CAPN5: variants seen among roughly 807,000 people sequenced by gnomAD.
CAPN5 encodes calpain-5.
A neutral mutation model predicts 73.0 loss-of-function variants in CAPN5; 54 were observed. The observed-to-expected ratio is 0.74, with a 90% CI of 0.59 to 0.93. CAPN5 has a LOEUF of 0.93. Ranked by LOEUF, CAPN5 falls within the 40% of genes least tolerant of loss-of-function variation. The pLI, the probability that CAPN5 is intolerant of heterozygous loss-of-function variation, is 0.00. For synonymous variants in CAPN5, 335 were observed against 356.9 expected (o/e 0.94, Z 0.69); for missense variants, 785 against 882.9 (o/e 0.89, Z 1.41).
rs10543158 is a variant in CAPN5 at position 77,125,614 on chromosome 11, CTATATATATATATA to C, written c.*1757_*1770del. 1 of 140,698 alleles carries C rather than the reference CTATATATATATATA, an allele frequency of 7.1e-6. No homozygotes were observed. Among genetic ancestry groups the C allele is most frequent in the Non-Finnish European group, 1.6e-5 (1 of 64,264 alleles). 8.7% of individuals were successfully genotyped at this position (140,698 alleles called of 1,614,324 possible). On this transcript the variant is annotated 3_prime_UTR_variant, in exon 13 of 13. Coordinates refer to ENST00000648180, the MANE Select transcript of CAPN5 (RefSeq NM_004055.5). ...CTATGTATCTCTGTATGCACACGCA[CTATATATATATATA>C]TATATATATATACATTCATGTAATC...
chr11:77,113,118 G>A (rs1176333813), intron 4 of CAPN5, among the ~76,000 whole-genome samples: 1 of 152,222 alleles, frequency 6.6e-6, no homozygotes, highest in African/African-American at 2.4e-5. Context: ...GAAGGTTCAT[G>A]CTGCCATGCC....
At chr11:77,068,415 A>G (rs935778004) in intron 1 of CAPN5, among the ~76,000 whole-genome samples, 9 of 151,936 alleles carry the variant, frequency 5.9e-5, no homozygotes, top group African/African-American at 1.9e-4. Context: ...ACAGGGACTG[A>G]TGGGTGCCCG....
intron 1 of CAPN5, chr11:77,073,199 G>C (rs1407701561): frequency 1.1e-5 from 11 of 979,320 alleles, no homozygotes; most frequent in Admixed American, 7.0e-5. Flanking sequence ...GGTTCTTTCA[G>C]TGTTAAAACT....
intron 1 of CAPN5, among the ~76,000 whole-genome samples, chr11:77,077,307 A>G (rs1407122343): frequency 6.6e-6 from 1 of 152,098 alleles, no homozygotes; most frequent in Non-Finnish European, 1.5e-5. Flanking sequence ...CAGTGAGCCG[A>G]GATCATGCCA....
chr11:77,100,629 C>T (rs1950274653), intron 3 of CAPN5, among the ~76,000 whole-genome samples: 1 of 152,282 alleles, frequency 6.6e-6, no homozygotes, highest in African/African-American at 2.4e-5. Flanking sequence ...CGGACCACAG[C>T]GTCCCCATAC....
chr11:77,074,361 C>T (rs1331390839), intron 1 of CAPN5, among the ~76,000 whole-genome samples: 1 of 151,794 alleles, frequency 6.6e-6, no homozygotes, highest in Non-Finnish European at 1.5e-5. Flanking sequence ...CAGCTTCCCC[C>T]CAGGCTCCGC....
Position 77,081,448 on chromosome 11 carries a change from GC to G in CAPN5, c.-35-3397del, listed in dbSNP as rs1184625834. The stretch of plus-strand genomic sequence containing the variant: ...CCGACAGGAACCCCAAGTTGTGGTA[GC>G]CCCCCCATACCTGGCGGGGGTCTGG... On this transcript the variant is annotated intron_variant, in intron 1 of 12. Coordinates refer to ENST00000648180, the MANE Select transcript of CAPN5 (RefSeq NM_004055.5). Among the ~76,000 whole-genome samples the G allele has an allele frequency of 3.9e-5, 6 of 152,174 alleles. No homozygotes were observed. In the South Asian group the frequency reaches 6.2e-4, roughly 16 times the overall value.
intron 3 of CAPN5, among the ~76,000 whole-genome samples, chr11:77,099,960 C>T (rs1197422446): frequency 1.3e-5 from 2 of 152,100 alleles, no homozygotes; most frequent in African/African-American, 4.8e-5. Context: ...CCTCAGCCTC[C>T]TGAGTAGCTG....
chr11:77,087,121 C>G (rs1170785338), intron 2 of CAPN5, among the ~76,000 whole-genome samples: 1 of 152,222 alleles, frequency 6.6e-6, no homozygotes, highest in Non-Finnish European at 1.5e-5. Context: ...GATGGGGACT[C>G]AGACCAGGCT....
chr11:77,081,436 C>T (rs1950027276), intron 1 of CAPN5, among the ~76,000 whole-genome samples: 1 of 152,204 alleles, frequency 6.6e-6, no homozygotes, highest in Non-Finnish European at 1.5e-5. Flanking sequence ...ACAGGAACCC[C>T]AAGTTGTGGT....
chr11:77,093,250 A>C (rs1287666958), intron 2 of CAPN5, among the ~76,000 whole-genome samples: 2 of 151,786 alleles, frequency 1.3e-5, no homozygotes, highest in Non-Finnish European at 2.9e-5. Flanking sequence ...CCGCACCCCC[A>C]CCCCACTTGA....
rs1029183301 is a variant in CAPN5, at chr11:77,104,626, C to T, written c.298-7963C>T. Among the ~76,000 whole-genome samples the T allele has an allele frequency of 2.6e-5, 4 of 152,212 alleles. No individual in the cohort carries two copies. In the South Asian group the frequency reaches 8.3e-4, roughly 32 times the overall value. ...GCATTGCGCAGTCCCAGAGAGCCCC[C>T]CCTTTTGGGGGAGTGCCTGACCTGC... is the stretch of plus-strand genomic sequence containing the variant. On this transcript the variant is annotated intron_variant, in intron 3 of 12. Coordinates refer to ENST00000648180, the MANE Select transcript of CAPN5 (RefSeq NM_004055.5).
chr11:77,099,708 GGGGAGAGGGAGA>G (rs1478223401), intron 3 of CAPN5, among the ~76,000 whole-genome samples: 1 of 147,758 alleles, frequency 6.8e-6, no homozygotes, highest in South Asian at 2.1e-4. Context: ...GGGAGACCGT[GGGGAGAGGGAGA>G]GGGAGACGGA....
chr11:77,107,030 G>A (rs1282627097), intron 3 of CAPN5, among the ~76,000 whole-genome samples: 1 of 152,204 alleles, frequency 6.6e-6, no homozygotes, highest in Non-Finnish European at 1.5e-5. Context: ...GTCCCTGCCC[G>A]GTCTCAGCCA....
chr11:77,125,155 G>C lies in CAPN5; in HGVS notation c.*1285G>C, dbSNP rs1950561065. 4 of 152,482 alleles carry C rather than the reference G, an allele frequency of 2.6e-5. 1 individual carries two copies. In the South Asian group the frequency reaches 8.3e-4, roughly 32 times the overall value. The allele number at this position is 152,482 out of a possible 1,614,324, so 9.4% of individuals were successfully genotyped here. A position where few individuals can be genotyped will look rare whatever the true frequency, so the allele number is the denominator to read the frequency against. On this transcript the variant is annotated 3_prime_UTR_variant, in exon 13 of 13. Coordinates refer to ENST00000648180, the MANE Select transcript of CAPN5 (RefSeq NM_004055.5). ...CTGCTGTGCCCTTCTCGGGCTTCCA[G>C]ACCAGGTGTAGCAAATGAAAAAGTG...
intron 2 of CAPN5, among the ~76,000 whole-genome samples, chr11:77,090,655 T>C (rs1295612660): frequency 6.6e-6 from 1 of 152,206 alleles, no homozygotes; most frequent in African/African-American, 2.4e-5. Flanking sequence ...GAGGGACACC[T>C]GAGTCACTTC....
chr11:77,114,682 T>G (rs1950448633), intron 5 of CAPN5, among the ~76,000 whole-genome samples: 1 of 152,222 alleles, frequency 6.6e-6, no homozygotes, highest in Non-Finnish European at 1.5e-5. Flanking sequence ...TCTGTGCATC[T>G]GAGGGTGGTC....
intron 3 of CAPN5, among the ~76,000 whole-genome samples, chr11:77,101,817 G>C (rs563377528): frequency 1.8e-4 from 27 of 152,276 alleles, no homozygotes; most frequent in African/African-American, 5.3e-4. Context: ...CAGTATAAAG[G>C]CTGAGCTTCT....
chr11:77,093,862 C>A, intron 3 of CAPN5, 49 bp downstream of exon 3: 1 of 1,588,792 alleles, frequency 6.3e-7, no homozygotes, highest in Non-Finnish European at 8.6e-7. Flanking sequence ...GTGAACGCAG[C>A]CTGTGGCCCT....
Sources: allele counts gnomAD v4.1 joint callset (sites outside exome capture counted in the v4.1 genomes callset), GRCh38; gene constraint gnomAD v4.1.1; transcripts MANE v1.5; gene names NCBI Gene and HGNC (gene_info 2026-07-23, HGNC 2026-07-21).